Variants in LYG1 observed in about 807,000 individuals in gnomAD.
LYG1 encodes lysozyme g1.
LYG1 carries 17 observed loss-of-function variants against 21.7 expected under a neutral mutation model. The observed-to-expected ratio is 0.78, with a 90% CI of 0.54 to 1.18. The LOEUF (loss-of-function observed/expected upper bound fraction) is 1.18. Ranked by LOEUF, LYG1 falls within the 50% of genes most tolerant of loss-of-function variation. LYG1 has a pLI of 0.00. For synonymous variants in LYG1, 81 were observed against 87.4 expected (o/e 0.93, Z 0.41); for missense variants, 211 against 238.1 (o/e 0.89, Z 0.75).
At chr2:99,290,349 T>G (rs2094114742) in intron 5 of LYG1, among the ~76,000 whole-genome samples, 2 of 152,230 alleles carry the variant, frequency 1.3e-5, no homozygotes, top group Non-Finnish European at 2.9e-5. Flanking sequence ...TCCTTGTGAT[T>G]CTATTTCCTC....
chr2:99,301,095 G>A lies in LYG1; in HGVS notation c.-169C>T, dbSNP rs944866615. 1.4e-5 allele frequency: 2 copies of A among 145,098 alleles called. No homozygotes were observed. Among genetic ancestry groups the A allele is most frequent in the East Asian group, 2.0e-4 (1 of 4,962 alleles). The allele number at this position is 145,098 out of a possible 1,614,324, so 9.0% of individuals were successfully genotyped here. A position where few individuals can be genotyped will look rare whatever the true frequency, so the allele number is the denominator to read the frequency against. The stretch of plus-strand genomic sequence containing the variant: ...TCCTTAGAGGTGGTGAGCCCACAGC[G>A]ATTTATATAGAGTCCTGTTCTCTTG... On this transcript the variant is annotated 5_prime_UTR_variant, in exon 1 of 7. Transcript: ENST00000308528.
intron 3 of LYG1, among the ~76,000 whole-genome samples, chr2:99,295,117 A>G (rs2094132775): frequency 1.3e-5 from 2 of 152,194 alleles, no homozygotes; most frequent in African/African-American, 2.4e-5. Context: ...AAACAAAAAC[A>G]AAAGCAAACC....
At chr2:99,299,581 C>T (rs1470354667) in intron 1 of LYG1, among the ~76,000 whole-genome samples, 3 of 151,558 alleles carry the variant, frequency 2.0e-5, no homozygotes, top group African/African-American at 4.8e-5. Context: ...TGTGCCACCA[C>T]GCCCAGCTAA....
chr2:99,303,822 C>A (rs955734969), upstream of LYG1, among the ~76,000 whole-genome samples: 23 of 150,690 alleles, frequency 1.5e-4, no homozygotes, highest in African/African-American at 5.2e-4. Flanking sequence ...GAGGCAGTTT[C>A]CCCCATACTG....
chr2:99,288,131 T>C (rs966733617), intron 5 of LYG1, among the ~76,000 whole-genome samples: 10 of 152,192 alleles, frequency 6.6e-5, no homozygotes, highest in African/African-American at 2.4e-4. Context: ...TAATTTATGC[T>C]GCATATATTT....
At chr2:99,285,664 C>A (rs945807568) in intron 5 of LYG1, among the ~76,000 whole-genome samples, 2 of 152,192 alleles carry the variant, frequency 1.3e-5, no homozygotes, top group African/African-American at 4.8e-5. Context: ...ATAAGCTTTC[C>A]ATGAAGGGAT....
Position 99,291,392 on chromosome 2 carries a change from T to C in LYG1, c.178A>G (p.Ile60Val). The stretch of plus-strand genomic sequence containing the variant: ...TATTTCAGGAGGTATGGCATGTCTA[T>C]TTCAGCCAGCCTTTCAGAAGCACGA... ...GVRASERLAE[I>V]DMPYLLKYQP... is the part of the protein sequence containing the mutation. Residue 60 changes from isoleucine to valine, a missense_variant, in exon 5 of 7, where the codon ATA (isoleucine) becomes GTA (valine). By Grantham distance (29) the Ile-to-Val change is conservative. Transcript: ENST00000308528. The C allele has an allele frequency of 1.9e-6, 3 of 1,614,182 alleles. No homozygotes were observed. The highest frequency in any genetic ancestry group is 2.2e-5 in the South Asian group (2 of 91,084).
At chr2:99,298,853 A>G (rs938958098) in intron 1 of LYG1, among the ~76,000 whole-genome samples, 1 of 151,790 alleles carries the variant, frequency 6.6e-6, no homozygotes, top group African/African-American at 2.4e-5. Flanking sequence ...CTCTGTGTCT[A>G]CCTACTCATT....
intron 4 of LYG1, among the ~76,000 whole-genome samples, chr2:99,292,292 AT>A (rs1263181986): frequency 2.6e-5 from 4 of 152,338 alleles, no homozygotes; most frequent in South Asian, 2.1e-4. Flanking sequence ...CTCAAAAAAA[AT>A]AAATAAAAAT....
chr2:99,291,544 T>G (rs1173563785), intron 4 of LYG1, 123 bp from the exon 5 acceptor site: 6 of 1,155,946 alleles, frequency 5.2e-6, no homozygotes, highest in Non-Finnish European at 4.9e-6. Flanking sequence ...CAATCCCAGA[T>G]TTTGGTCTTA....
At chr2:99,294,380 G>T (rs540859547) in intron 3 of LYG1, among the ~76,000 whole-genome samples, 1 of 152,266 alleles carries the variant, frequency 6.6e-6, no homozygotes, top group East Asian at 1.9e-4. Flanking sequence ...ACTTTATGGG[G>T]TTGATAAATA....
chr2:99,287,707 ATGTGTG>A (rs375539460), intron 5 of LYG1, among the ~76,000 whole-genome samples: 1 of 151,178 alleles, frequency 6.6e-6, no homozygotes, highest in Non-Finnish European at 1.5e-5. Flanking sequence ...AGTGTTGTGT[ATGTGTG>A]TGTGTGTGCA....
rs772802423 is a variant in LYG1 at position 99,292,509 on chromosome 2, G to C, written c.148+27C>G. On this transcript the variant is annotated intron_variant, in intron 4 of 6. Coordinates refer to ENST00000308528, the MANE Select transcript of LYG1 (RefSeq NM_174898.3). ...GGAAACAGTGAAAGCCGGGGGATAG[G>C]TTGAGAGGGCGAAAGCTCATAGCTA... The C allele has an allele frequency of 1.0e-5, 16 of 1,545,518 alleles. No individual in the cohort carries two copies. In the South Asian group the frequency reaches 1.8e-4, roughly 17 times the overall value.
Position 99,286,300 on chromosome 2 carries a change from G to T in LYG1, c.334-1480C>A, listed in dbSNP as rs1017279768. The stretch of plus-strand genomic sequence containing the variant: ...ACAGAAAACAGACTAAGACAACTAG[G>T]GTTGGTGAGGATGTAGAGAAACTGA... On this transcript the variant is annotated intron_variant, in intron 5 of 6. Transcript: ENST00000308528. Among the ~76,000 whole-genome samples the T allele has an allele frequency of 5.9e-5, 9 of 152,178 alleles. No individual in the cohort carries two copies. The South Asian group carries it at 1.7e-3, about 28-fold the overall frequency.
upstream of LYG1, among the ~76,000 whole-genome samples, chr2:99,302,213 G>A (rs1352543050): frequency 6.6e-6 from 1 of 152,140 alleles, no homozygotes; most frequent in African/African-American, 2.4e-5. Flanking sequence ...TGGAATCAAT[G>A]GCTTGCTTAT....
At chr2:99,303,570 C>G (rs151023250), upstream of LYG1, among the ~76,000 whole-genome samples, 14 of 152,202 alleles carry the variant, frequency 9.2e-5, no homozygotes, top group Admixed American at 9.2e-4. Flanking sequence ...CTCCGGGACA[C>G]TCCGCAGGCA....
chr2:99,295,660 AATGCAGACATG>A lies in LYG1; in HGVS notation c.-1_10del. The A allele has an allele frequency of 6.2e-7, 1 of 1,614,240 alleles. No homozygotes were observed. ...GGCAAGGAGGCCCAGCAGCAGCCAC[AATGCAGACATG>A]ATGACGATCTGGCTCTACGGCTCCT... On this transcript the variant is annotated start_lost and 5_prime_UTR_variant, in exon 3 of 7. Transcript: ENST00000308528.
At chr2:99,297,845 G>C (rs2094141415) in intron 2 of LYG1, among the ~76,000 whole-genome samples, 2 of 152,188 alleles carry the variant, frequency 1.3e-5, no homozygotes, top group South Asian at 4.1e-4. Flanking sequence ...CTCCCAAGTA[G>C]CTGGGGCTAG....
rs1382220496 is a variant in LYG1, at chr2:99,292,081, GT to G, written c.148+454del. Among the ~76,000 whole-genome samples the G allele has an allele frequency of 1.2e-4, 18 of 152,276 alleles. No individual in the cohort carries two copies. The East Asian group carries it at 3.5e-3, about 30-fold the overall frequency. On this transcript the variant is annotated intron_variant, in intron 4 of 6. Transcript: ENST00000308528. ...GAGGGAGGATCACCTGAGGTCAGGA[GT>G]TCGAGACCAGCCTGACCAACATGGT...
Sources: allele counts gnomAD v4.1 joint callset (sites outside exome capture counted in the v4.1 genomes callset), GRCh38; gene constraint gnomAD v4.1.1; transcripts MANE v1.5; gene names NCBI Gene and HGNC (gene_info 2026-07-23, HGNC 2026-07-21).